The following ADGRL1 variants were observed in gnomAD, a reference collection of about 807,000 sequenced individuals.
ADGRL1 encodes the protein CIRL-1.
In ADGRL1, 31 loss-of-function variants were observed where a neutral mutation model predicts 148.9. That is an observed-to-expected ratio of 0.21 (90% CI 0.16 to 0.28). The LOEUF (loss-of-function observed/expected upper bound fraction) is 0.28, where lower values mean the gene tolerates loss of function less well. Among genes scored for constraint, ADGRL1 ranks in the 10% least tolerant of loss-of-function variants. ADGRL1 has a pLI of 1.00. For missense variants in ADGRL1, 1,521 were observed against 2,058.8 expected (o/e 0.74, Z 5.05); for synonymous variants, 937 against 900.3 (o/e 1.04, Z -0.73).
Position 14,151,382 on chromosome 19 carries a change from G to C in ADGRL1, c.3901C>G (p.Pro1301Ala), listed in dbSNP as rs1283443075. ...SSSAAKGPPP[P>A]EPPVPPVPGG... is the part of the protein sequence containing the mutation. The stretch of plus-strand genomic sequence containing the variant: ...GGCACAGGTGGCACAGGGGGCTCAG[G>C]CGGTGGAGGGCCCTTGGCCGCGCTG... The change falls in exon 23 of 23, where the codon CCT (proline) becomes GCT (alanine). Residue 1301 changes from proline to alanine, a missense_variant. By Grantham distance (27) the Pro-to-Ala change is conservative (BLOSUM62 -1). Around this residue, in one of 8 missense-constraint regions of ADGRL1, gnomAD observed 390 missense variants for 375.0 expected, o/e 1.04. Transcript: ENST00000361434. 1 of 1,604,272 alleles carries C rather than the reference G, an allele frequency of 6.2e-7. No homozygotes were observed. Among genetic ancestry groups the C allele is most frequent in the Non-Finnish European group, 8.5e-7 (1 of 1,176,134 alleles).
chr19:14,151,290 G>A lies in ADGRL1; in HGVS notation c.3993C>T (p.Leu1331=), dbSNP rs934944205. The A allele has an allele frequency of 6.2e-7, 1 of 1,611,370 alleles. No individual in the cohort carries two copies. The highest frequency in any genetic ancestry group is 8.5e-7 in the Non-Finnish European group (1 of 1,179,404). ...GCAGAGGCTCCTCCAGGGCCTTATA[G>A]AGAAGTTCAATCTCGGCCCGGTCAG... ...GGADRAEIEL[L]YKALEEPLLL... Residue 1331 remains leucine (L), a synonymous_variant, in exon 23 of 23, where the codon CTC becomes CTT. Transcript: ENST00000361434.
Position 14,161,187 on chromosome 19 carries a change from G to A in ADGRL1, c.1510+125C>T, listed in dbSNP as rs541476302. ...GCCCTGAGAGCTCTGCTGGTCACTGGGGATGACCCCTGCCCTCAGAAAACC... is the reference window on the plus strand; with the variant it reads ...GCCCTGAGAGCTCTGCTGGTCACTGAGGATGACCCCTGCCCTCAGAAAACC... On this transcript the variant is annotated intron_variant, in intron 6 of 22. Coordinates refer to ENST00000361434, the MANE Select transcript of ADGRL1 (RefSeq NM_014921.5). This position sits in a 1 kb window ranked among gnomAD's most constrained non-coding sequence, Gnocchi z 4.4. 2.1e-6 allele frequency: 2 copies of A among 970,038 alleles called. No individual in the cohort carries two copies. Among genetic ancestry groups the A allele is most frequent in the African/African-American group, 1.7e-5 (1 of 59,096 alleles). The allele number at this position is 970,038 out of a possible 1,614,324, so 60.1% of individuals were successfully genotyped here. A position where few individuals can be genotyped will look rare whatever the true frequency, so the allele number is the denominator to read the frequency against.
chr19:14,199,729 T>TCAAC (rs1972482170), intron 1 of ADGRL1, among the ~76,000 whole-genome samples: 3 of 151,360 alleles, frequency 2.0e-5, no homozygotes, highest in East Asian at 1.9e-4. Flanking sequence ...GTTGCAATTT[T>TCAAC]ATTTTATTTT....
Position 14,170,772 on chromosome 19 carries a change from A to G in ADGRL1, c.304T>C (p.Cys102Arg). The G allele has an allele frequency of 6.2e-7, 1 of 1,605,162 alleles. No individual in the cohort carries two copies. Among genetic ancestry groups the G allele is most frequent in the Non-Finnish European group, 8.5e-7 (1 of 1,173,376 alleles). Reference sequence around the variant, plus strand: ...GCATCCGAGCCGGCGACCACCACGCACTGGGTGCGGTTGTTACACCTTCAG... The same window carrying G: ...GCATCCGAGCCGGCGACCACCACGCGCTGGGTGCGGTTGTTACACCTTCAG... ...MSQRCNNRTQ[C>R]VVVAGSDAFP... Residue 102 changes from cysteine to arginine, a missense_variant, in exon 4 of 23, where the codon TGC becomes CGC. Physicochemically the swap from Cys to Arg is radical, Grantham distance 180 (BLOSUM62 -3). Coordinates refer to ENST00000361434, the MANE Select transcript of ADGRL1 (RefSeq NM_014921.5).
chr19:14,181,555 C>A (rs755957038), intron 2 of ADGRL1, among the ~76,000 whole-genome samples: 68 of 152,020 alleles, frequency 4.5e-4, no homozygotes, highest in Non-Finnish European at 7.7e-4. Context: ...CCTGTCTCTA[C>A]TAAAAATACA....
Position 14,150,851 on chromosome 19 carries a change from G to GC in ADGRL1, c.*21dup. The GC allele has an allele frequency of 1.2e-6, 2 of 1,606,542 alleles. No homozygotes were observed. The highest frequency in any genetic ancestry group is 1.7e-6 in the Non-Finnish European group (2 of 1,177,294). On this transcript the variant is annotated 3_prime_UTR_variant, in exon 23 of 23. Transcript: ENST00000361434. ...GTTCCCTCCCTGGCCTGGGCCACCA[G>GC]CCCCTGGTCCATGAGGTGCCCTCAG...
chr19:14,177,733 C>G lies in ADGRL1; in HGVS notation c.82G>C (p.Ala28Pro). 1 of 1,611,502 alleles carries G rather than the reference C, an allele frequency of 6.2e-7. No homozygotes were observed. The highest frequency in any genetic ancestry group is 8.5e-7 in the Non-Finnish European group (1 of 1,179,602). The change falls in exon 3 of 23, where the codon GCC becomes CCC. Residue 28 changes from alanine to proline, a missense_variant. By Grantham distance (27) the Ala-to-Pro change is conservative. Coordinates refer to ENST00000361434, the MANE Select transcript of ADGRL1 (RefSeq NM_014921.5). ...VTSATQGLSR[A>P]GLPFGLMRRE... Reference sequence around the variant, plus strand: ...CGCATCAGCCCGAACGGGAGCCCGGCCCGGCTCAGGCCTGCAGGGAGGGTT... The same window carrying G: ...CGCATCAGCCCGAACGGGAGCCCGGGCCGGCTCAGGCCTGCAGGGAGGGTT...
At position 14,160,512 on chromosome 19, in the gene ADGRL1, C is replaced by T; in HGVS notation, c.1614+81G>A. 1.8e-6 allele frequency: 2 copies of T among 1,109,278 alleles called. No individual in the cohort carries two copies. Among genetic ancestry groups the T allele is most frequent in the Non-Finnish European group, 2.6e-6 (2 of 780,522 alleles). The allele number at this position is 1,109,278 out of a possible 1,614,324, so 68.7% of individuals were successfully genotyped here. On this transcript the variant is annotated intron_variant, in intron 7 of 22. Transcript: ENST00000361434. This position sits in a 1 kb window ranked among gnomAD's most constrained non-coding sequence, Gnocchi z 5.9. ...CCAGACCTGCCAGCCCATGTCTCCC[C>T]AGCTGCTCCACGACCCCCGCTGGGC... is the stretch of plus-strand genomic sequence containing the variant.
At chr19:14,195,317 C>G (rs1300107724) in intron 1 of ADGRL1, among the ~76,000 whole-genome samples, 1 of 152,182 alleles carries the variant, frequency 6.6e-6, no homozygotes, top group Non-Finnish European at 1.5e-5. Flanking sequence ...GGCCCAGACT[C>G]TGTCCTCGGG....
At chr19:14,172,963 T>C (rs1027722448) in intron 3 of ADGRL1, among the ~76,000 whole-genome samples, 2 of 151,584 alleles carry the variant, frequency 1.3e-5, no homozygotes, top group African/African-American at 4.9e-5. Context: ...ACGTATTTTA[T>C]TATTATTATG....
Position 14,157,361 on chromosome 19 carries a change from A to G in ADGRL1, c.2635T>C (p.Phe879Leu). 6.2e-7 allele frequency: 1 copy of G among 1,614,192 alleles called. No individual in the cohort carries two copies. The highest frequency in any genetic ancestry group is 2.2e-5 in the East Asian group (1 of 44,880). The part of the protein sequence containing the change: ...CLAICISTFC[F>L]LRGLQTDRNT... ...CGGTCGGTCTGCAGCCCCCGCAGGAAGCAGAAGGTGGAGATGCAGATGGCC... is the reference window on the plus strand; with the variant it reads ...CGGTCGGTCTGCAGCCCCCGCAGGAGGCAGAAGGTGGAGATGCAGATGGCC... The change falls in exon 14 of 23, where the codon TTC (phenylalanine) becomes CTC (leucine). Residue 879 changes from phenylalanine (F) to leucine (L), a missense_variant. This residue lies in a region of ADGRL1 where 265 missense variants were observed against 431.9 expected (regional missense o/e 0.61). Transcript: ENST00000361434. The surrounding 1 kb of genome is among the most constrained non-coding windows in gnomAD (Gnocchi z 7.5).
At chr19:14,186,978 C>T (rs144874512) in intron 1 of ADGRL1, among the ~76,000 whole-genome samples, 18 of 152,334 alleles carry the variant, frequency 1.2e-4, no homozygotes, top group African/African-American at 4.1e-4. Context: ...TTTTAATTCA[C>T]AGCTCTCAAG....
rs377417511 is a variant in ADGRL1, at chr19:14,157,205, C to T, written c.2745+46G>A. Reference sequence around the variant, plus strand: ...TGGACAGGTGTCCCCCTTCTTCTCCCGGCCCCCAGGCGCTGGCCGTCACCT... The same window carrying T: ...TGGACAGGTGTCCCCCTTCTTCTCCTGGCCCCCAGGCGCTGGCCGTCACCT... On this transcript the variant is annotated intron_variant, in intron 14 of 22. Transcript: ENST00000361434. The surrounding 1 kb of genome is among the most constrained non-coding windows in gnomAD (Gnocchi z 7.5). 1.2e-5 allele frequency: 20 copies of T among 1,613,106 alleles called. No individual in the cohort carries two copies. The highest frequency in any genetic ancestry group is 1.2e-4 in the African/African-American group (9 of 74,874).
chr19:14,151,133 C>A lies in ADGRL1; in HGVS notation c.4150G>T (p.Ala1384Ser). ...TAGGAGGGTGAGTCCCGCAGGTTGG[C>A]CCCGCTGGCATAGAGGGAGTCCCGG... is the stretch of plus-strand genomic sequence containing the variant. ...PGRDSLYASGANLRDSPSYPD... is the reference protein window; with the variant it reads ...PGRDSLYASGSNLRDSPSYPD... The change falls in exon 23 of 23, where the codon GCC becomes TCC. Residue 1384 changes from alanine to serine, a missense_variant. Ala to Ser is a moderately conservative substitution (Grantham distance 99). Around this residue, in one of 8 missense-constraint regions of ADGRL1, gnomAD observed 390 missense variants for 375.0 expected, o/e 1.04. Coordinates refer to ENST00000361434, the MANE Select transcript of ADGRL1 (RefSeq NM_014921.5). The A allele has an allele frequency of 6.3e-7, 1 of 1,588,496 alleles. No individual in the cohort carries two copies. Among genetic ancestry groups the A allele is most frequent in the South Asian group, 1.2e-5 (1 of 86,872 alleles).
chr19:14,191,511 G>A (rs1347633340), intron 1 of ADGRL1: 1 of 453,648 alleles, frequency 2.2e-6, no homozygotes, highest in Non-Finnish European at 4.5e-6. Context: ...ATAACAAAGT[G>A]CCATAGACTG....
At chr19:14,174,568 C>G (rs1176206074) in intron 3 of ADGRL1, among the ~76,000 whole-genome samples, 2 of 149,210 alleles carry the variant, frequency 1.3e-5, no homozygotes, top group Non-Finnish European at 3.0e-5. Flanking sequence ...CAGAGTCTCA[C>G]TCTGTCACCT....
rs1375552403 is a variant in ADGRL1 at position 14,156,744 on chromosome 19, G to A, written c.2967-20C>T. On this transcript the variant is annotated intron_variant, in intron 15 of 22. Transcript: ENST00000361434. ...CAGCAGCTGTAAAGGAAACAGGGCC[G>A]GGGTATAGAGAGAAGCCGAGGAGCC... 1.1e-5 allele frequency: 17 copies of A among 1,601,908 alleles called. No homozygotes were observed. The East Asian group carries it at 1.6e-4, about 15-fold the overall frequency.
intron 4 of ADGRL1, among the ~76,000 whole-genome samples, chr19:14,166,747 G>A (rs1970011505): frequency 6.6e-6 from 1 of 151,716 alleles, no homozygotes; most frequent in Admixed American, 6.6e-5. Flanking sequence ...GGACCAGGAA[G>A]GAGGGACAGA....
intron 3 of ADGRL1, among the ~76,000 whole-genome samples, chr19:14,174,483 T>C (rs1325436122): frequency 6.7e-6 from 1 of 150,314 alleles, no homozygotes; most frequent in Non-Finnish European, 1.5e-5. Flanking sequence ...TGCCCAAACC[T>C]CTCCTGCTCT....
Sources: allele counts gnomAD v4.1 joint callset (sites outside exome capture counted in the v4.1 genomes callset), GRCh38; gene constraint gnomAD v4.1.1; regional missense constraint gnomAD v4.1.1; non-coding constraint Gnocchi (gnomAD v3.1); transcripts MANE v1.5; gene names NCBI Gene and HGNC (gene_info 2026-07-23, HGNC 2026-07-21).